Variants in ARHGAP24 observed in about 807,000 individuals in gnomAD.
ARHGAP24 encodes the protein Rho GTPase activating protein 24, also known as rho GTPase-activating protein 24.
ARHGAP24 carries 50 observed loss-of-function variants against 76.4 expected under a neutral mutation model. The ratio of observed to expected loss-of-function variants is 0.65; its 90% CI spans 0.52 to 0.83. ARHGAP24 has a LOEUF of 0.83. ARHGAP24 is among the 40% of genes least tolerant of loss of function. ARHGAP24 has a pLI of 0.00. For missense variants in ARHGAP24, 930 were observed against 914.2 expected (o/e 1.02, Z -0.22); for synonymous variants, 345 against 323.3 (o/e 1.07, Z -0.72).
intron 2 of ARHGAP24, among the ~76,000 whole-genome samples, chr4:85,669,667 A>G (rs56745263): frequency 3.1e-5 from 2 of 63,610 alleles, no homozygotes; most frequent in Non-Finnish European, 3.3e-5. Context: ...ATATATATAT[A>G]TATATATATA....
intron 7 of ARHGAP24, 44 bp from the exon 8 acceptor site, chr4:85,977,526 A>T: frequency 1.9e-6 from 3 of 1,604,954 alleles, no homozygotes; most frequent in Non-Finnish European, 2.6e-6. Context: ...TCCACTGGCA[A>T]ATTTGATCCC....
chr4:85,604,633 G>T (rs1560549254), intron 2 of ARHGAP24, among the ~76,000 whole-genome samples: 1 of 152,180 alleles, frequency 6.6e-6, no homozygotes, highest in Non-Finnish European at 1.5e-5. Flanking sequence ...CACCCAGGCT[G>T]CAGTGCAGTG....
At chr4:85,667,438 C>T (rs377442272) in intron 2 of ARHGAP24, among the ~76,000 whole-genome samples, 9 of 151,538 alleles carry the variant, frequency 5.9e-5, no homozygotes, top group East Asian at 1.9e-4. Flanking sequence ...ACTCCCTGAC[C>T]CCTTGTGCTT....
At chr4:85,850,948 G>A (rs1274976170) in intron 3 of ARHGAP24, among the ~76,000 whole-genome samples, 2 of 152,186 alleles carry the variant, frequency 1.3e-5, no homozygotes, top group Non-Finnish European at 2.9e-5. Context: ...GGAGAGTTCT[G>A]TAGATGTCTA....
At chr4:85,742,576 TAAG>T (rs886734483) in intron 3 of ARHGAP24, among the ~76,000 whole-genome samples, 4 of 152,218 alleles carry the variant, frequency 2.6e-5, no homozygotes, top group Admixed American at 2.0e-4. Context: ...CTGCATCAGA[TAAG>T]AAGGTGTTAG....
rs142546407 is a variant in ARHGAP24 at position 85,479,604 on chromosome 4, G to C, written c.-21+4045G>C. Among the ~76,000 whole-genome samples, 39 of 152,296 alleles carry C rather than the reference G, an allele frequency of 2.6e-4. No individual in the cohort carries two copies. The East Asian group carries it at 7.5e-3, about 29-fold the overall frequency. On this transcript the variant is annotated intron_variant, in intron 1 of 9. Coordinates refer to ENST00000395184, the MANE Select transcript of ARHGAP24 (RefSeq NM_001025616.3). ...GGGAAATTAATTAAAGGAGAATGTG[G>C]AGCTGGATGGAGAAGAGGAAATTTA... is the stretch of plus-strand genomic sequence containing the variant.
At chr4:85,475,870 AT>A (rs1722577043) in intron 1 of ARHGAP24, among the ~76,000 whole-genome samples, 2 of 151,890 alleles carry the variant, frequency 1.3e-5, no homozygotes, top group African/African-American at 4.8e-5. Context: ...GATGGAATTA[AT>A]AAAAACCCTT....
chr4:85,572,303 C>T (rs530114906), intron 2 of ARHGAP24, among the ~76,000 whole-genome samples: 39 of 152,032 alleles, frequency 2.6e-4, no homozygotes, highest in Non-Finnish European at 4.4e-4. Flanking sequence ...GATTTCGTTA[C>T]GGAGGAACAC....
chr4:85,965,388 G>A (rs898505107), intron 5 of ARHGAP24, among the ~76,000 whole-genome samples: 1 of 152,212 alleles, frequency 6.6e-6, no homozygotes. Context: ...GGAATTATGA[G>A]AGCTACAAGA....
intron 1 of ARHGAP24, among the ~76,000 whole-genome samples, chr4:85,487,307 T>C (rs1263110273): frequency 8.2e-6 from 1 of 121,636 alleles, no homozygotes; most frequent in Non-Finnish European, 1.6e-5. Flanking sequence ...ATATATTTAT[T>C]ATATATAAAA....
In ARHGAP24 at chr4:85,724,828, A is replaced by C. The variant is rs115480555; in HGVS notation, c.268+2856A>C. On this transcript the variant is annotated intron_variant, in intron 3 of 9. Coordinates refer to ENST00000395184, the MANE Select transcript of ARHGAP24 (RefSeq NM_001025616.3). ...ATGAGTTATAGATTTTTCGCTCCAA[A>C]TTTTTCCTATTTCTCTACTTGTTAT... is the stretch of plus-strand genomic sequence containing the variant. Among the ~76,000 whole-genome samples the C allele has an allele frequency of 2.5e-3, 379 of 152,166 alleles. 2 individuals carry two copies. The highest frequency in any genetic ancestry group is 8.7e-3 in the African/African-American group (363 of 41,534).
chr4:85,850,296 C>A (rs559415658), intron 3 of ARHGAP24, among the ~76,000 whole-genome samples: 38 of 152,178 alleles, frequency 2.5e-4, no homozygotes, highest in African/African-American at 8.4e-4. Flanking sequence ...CTGGTGATAT[C>A]CCCTTTATCA....
chr4:85,494,945 G>A (rs951047611), intron 1 of ARHGAP24, among the ~76,000 whole-genome samples: 22 of 150,890 alleles, frequency 1.5e-4, no homozygotes, highest in Non-Finnish European at 3.0e-4. Flanking sequence ...AAAAATACAA[G>A]AAATTAGCTG....
intron 1 of ARHGAP24, among the ~76,000 whole-genome samples, chr4:85,511,096 G>A (rs1279903218): frequency 6.6e-6 from 1 of 152,042 alleles, no homozygotes; most frequent in Non-Finnish European, 1.5e-5. Flanking sequence ...AATAAATATT[G>A]GTTATTCCAG....
intron 2 of ARHGAP24, among the ~76,000 whole-genome samples, chr4:85,661,789 T>C (rs902120012): frequency 1.6e-4 from 24 of 152,218 alleles, no homozygotes; most frequent in Admixed American, 4.6e-4. Flanking sequence ...GTCCTTGTGA[T>C]AGTTTACTGA....
intron 2 of ARHGAP24, among the ~76,000 whole-genome samples, chr4:85,592,247 C>A (rs1728144894): frequency 6.6e-6 from 1 of 152,210 alleles, no homozygotes; most frequent in Non-Finnish European, 1.5e-5. Flanking sequence ...GAATGCTTCT[C>A]TGATGATCAA....
intron 2 of ARHGAP24, among the ~76,000 whole-genome samples, chr4:85,611,119 A>G (rs189323239): frequency 6.6e-6 from 1 of 152,230 alleles, no homozygotes; most frequent in African/African-American, 2.4e-5. Flanking sequence ...AGTTATACAC[A>G]TAACTATTTC....
chr4:85,909,379 C>T (rs1284790014), intron 3 of ARHGAP24, among the ~76,000 whole-genome samples: 3 of 151,920 alleles, frequency 2.0e-5, no homozygotes, highest in African/African-American at 2.4e-5. Context: ...AGAAAGACTG[C>T]ACATATCTGT....
intron 1 of ARHGAP24, among the ~76,000 whole-genome samples, chr4:85,540,806 CTT>C (rs1387671084): frequency 2.0e-5 from 3 of 149,116 alleles, no homozygotes; most frequent in African/African-American, 7.3e-5. Context: ...CTCCATGAGT[CTT>C]ATAAAATTCT....
Sources: gnomAD v4.1 joint callset for allele counts (sites outside exome capture counted in the v4.1 genomes callset) on GRCh38, gnomAD v4.1.1 for gene constraint, MANE v1.5 for transcripts, NCBI Gene and HGNC (gene_info 2026-07-23, HGNC 2026-07-21) for gene names.